The following NALCN variants were observed in gnomAD, a reference collection of about 807,000 sequenced individuals.
NALCN encodes sodium leak channel, non-selective.
Under a neutral mutation model 225.3 loss-of-function variants are expected in NALCN, and 111 were observed. The ratio of observed to expected loss-of-function variants is 0.49; its 90% CI spans 0.42 to 0.58. The LOEUF is 0.58. Among genes scored for constraint, NALCN ranks in the 20% least tolerant of loss-of-function variants. NALCN has a pLI of 0.00. For synonymous variants in NALCN, 764 were observed against 769.0 expected, an observed-to-expected ratio of 0.99 and a Z score of 0.11; for missense variants, 1,378 against 2,202.4, an observed-to-expected ratio of 0.63 and a Z score of 7.49.
At chr13:101,295,999 A>T (rs574893889) in intron 7 of NALCN, among the ~76,000 whole-genome samples, 2 of 152,322 alleles carry the variant, frequency 1.3e-5, no homozygotes, top group African/African-American at 4.8e-5. Context: ...CTTCTTTTGC[A>T]CAGTCCCGCT....
intron 10 of NALCN, among the ~76,000 whole-genome samples, chr13:101,282,320 A>G (rs1379126109): frequency 6.6e-6 from 1 of 152,222 alleles, no homozygotes; most frequent in African/African-American, 2.4e-5. Flanking sequence ...AATATTACTC[A>G]GCCATAATAA....
At chr13:101,261,774 GATCAT>G (rs1377133340) in intron 10 of NALCN, among the ~76,000 whole-genome samples, 3 of 152,122 alleles carry the variant, frequency 2.0e-5, no homozygotes, top group Middle Eastern at 3.2e-3. Context: ...CCAAATATAA[GATCAT>G]ATCATCTGCA....
chr13:101,227,518 A>C (rs1397821202), intron 13 of NALCN, among the ~76,000 whole-genome samples: 3 of 152,104 alleles, frequency 2.0e-5, no homozygotes, highest in Non-Finnish European at 2.9e-5. Flanking sequence ...TGAGGCCCCA[A>C]GTCTGGGGTG....
chr13:101,231,679 A>G (rs1020184561), intron 12 of NALCN, among the ~76,000 whole-genome samples: 1 of 152,252 alleles, frequency 6.6e-6, no homozygotes, highest in Non-Finnish European at 1.5e-5. Flanking sequence ...TTTGATGTCA[A>G]TAAGAGATTG....
At chr13:101,371,191 T>C (rs1191210360) in intron 6 of NALCN, among the ~76,000 whole-genome samples, 3 of 152,208 alleles carry the variant, frequency 2.0e-5, no homozygotes, top group Non-Finnish European at 2.9e-5. Flanking sequence ...TGGAGTACTA[T>C]GAATAAAGTT....
intron 12 of NALCN, among the ~76,000 whole-genome samples, chr13:101,233,769 CA>C (rs2041444937): frequency 6.6e-6 from 1 of 152,140 alleles, no homozygotes. Flanking sequence ...TGAGACAATG[CA>C]CTCAGCAAGA....
intron 13 of NALCN, among the ~76,000 whole-genome samples, chr13:101,209,419 C>A (rs544047547): frequency 2.6e-5 from 4 of 152,038 alleles, no homozygotes; most frequent in Non-Finnish European, 5.9e-5. Context: ...CACGCTTGGT[C>A]CGGGATTCTG....
intron 4 of NALCN, among the ~76,000 whole-genome samples, chr13:101,377,998 G>T (rs2046742919): frequency 6.6e-6 from 1 of 152,016 alleles, no homozygotes; most frequent in African/African-American, 2.4e-5. Flanking sequence ...TTTAATATTT[G>T]CAATATAGTA....
intron 13 of NALCN, among the ~76,000 whole-genome samples, chr13:101,209,811 T>C (rs531086615): frequency 6.6e-6 from 1 of 152,174 alleles, no homozygotes; most frequent in Non-Finnish European, 1.5e-5. Flanking sequence ...AGACAGCAAA[T>C]GTGACATTTG....
chr13:101,226,762 A>G (rs1475853384), intron 13 of NALCN, among the ~76,000 whole-genome samples: 1 of 152,150 alleles, frequency 6.6e-6, no homozygotes, highest in Non-Finnish European at 1.5e-5. Context: ...CTTGCAATTT[A>G]TGACTCAGCT....
intron 17 of NALCN, among the ~76,000 whole-genome samples, chr13:101,136,851 T>C (rs144194898): frequency 1.8e-4 from 27 of 152,334 alleles, no homozygotes; most frequent in African/African-American, 6.0e-4. Context: ...AATGTATTTC[T>C]AGTTCTAGAT....
chr13:101,318,283 T>C (rs1217107905), intron 7 of NALCN, among the ~76,000 whole-genome samples: 13 of 151,976 alleles, frequency 8.6e-5, no homozygotes, highest in Admixed American at 6.5e-4. Context: ...CATGAGTGAG[T>C]GAGCATGGAG....
Position 101,328,501 on chromosome 13 carries a change from A to G in NALCN, c.799+16765T>C, listed in dbSNP as rs78033839. On this transcript the variant is annotated intron_variant, in intron 7 of 43. Transcript: ENST00000251127. The stretch of plus-strand genomic sequence containing the variant: ...AAAGTACTGTATATTTTTAAATTAC[A>G]TTGTATAATCATGAGTGTTTTGCCA... Among the ~76,000 whole-genome samples, 62 of 152,280 alleles carry G rather than the reference A, an allele frequency of 4.1e-4. 2 individuals are homozygous for G. In the East Asian group the frequency reaches 0.01, roughly 26 times the overall value.
intron 6 of NALCN, among the ~76,000 whole-genome samples, chr13:101,372,092 C>T (rs1164338186): frequency 2.6e-5 from 4 of 151,900 alleles, no homozygotes; most frequent in African/African-American, 9.7e-5. Context: ...CCTGGCATCC[C>T]GAAGCTAATT....
intron 18 of NALCN, among the ~76,000 whole-genome samples, chr13:101,118,276 GT>G (rs2035808577): frequency 6.6e-6 from 1 of 151,984 alleles, no homozygotes; most frequent in African/African-American, 2.4e-5. Flanking sequence ...TCCCACATCT[GT>G]TTGGTAAAAC....
chr13:101,405,147 C>G (rs1223080172), intron 1 of NALCN, among the ~76,000 whole-genome samples: 1 of 152,168 alleles, frequency 6.6e-6, no homozygotes, highest in East Asian at 1.9e-4. Flanking sequence ...TCCCTATATG[C>G]ACATTTACAT....
intron 34 of NALCN, among the ~76,000 whole-genome samples, chr13:101,080,157 G>T (rs2033530203): frequency 6.6e-6 from 1 of 152,170 alleles, no homozygotes; most frequent in Non-Finnish European, 1.5e-5. Context: ...TTCAGAGCAG[G>T]AAACAAAGGA....
At chr13:101,239,838 G>A (rs1314415668) in intron 11 of NALCN, among the ~76,000 whole-genome samples, 2 of 152,048 alleles carry the variant, frequency 1.3e-5, no homozygotes, top group African/African-American at 4.8e-5. Flanking sequence ...AATATTATAA[G>A]AAATCATTTG....
chr13:101,389,453 C>A (rs1057030114), intron 3 of NALCN, among the ~76,000 whole-genome samples: 1 of 152,162 alleles, frequency 6.6e-6, no homozygotes, highest in African/African-American at 2.4e-5. Context: ...CCAAAGGACA[C>A]CCAACAAAAA....
Sources: gnomAD v4.1 joint callset for allele counts (sites outside exome capture counted in the v4.1 genomes callset) on GRCh38, gnomAD v4.1.1 for gene constraint, MANE v1.5 for transcripts, NCBI Gene and HGNC (gene_info 2026-07-23, HGNC 2026-07-21) for gene names.